The following MED22 variants were observed in gnomAD, a reference collection of about 807,000 sequenced individuals.
The protein encoded by MED22 is mediator of RNA polymerase II transcription subunit 22.
A neutral mutation model predicts 22.7 loss-of-function variants in MED22; 22 were observed. The observed-to-expected ratio is 0.97, with a 90% CI of 0.69 to 1.38. The LOEUF (loss-of-function observed/expected upper bound fraction) is 1.38. Ranked by LOEUF, MED22 falls within the 40% of genes most tolerant of loss-of-function variation. The probability of loss-of-function intolerance (pLI) is 0.00; values close to 1 mark genes in which losing one functional copy is unlikely to be tolerated. For synonymous variants in MED22, 134 were observed against 119.4 expected (o/e 1.12, Z -0.80); for missense variants, 247 against 263.0 (o/e 0.94, Z 0.42).
At position 133,341,649 on chromosome 9, in the gene MED22, G is replaced by A. The variant is rs2129949895; in HGVS notation, c.459C>T (p.Tyr153=). The change falls in exon 5 of 5, where the codon TAC becomes TAT. Residue 153 remains tyrosine (Y), a synonymous_variant. Coordinates refer to ENST00000343730, the MANE Select transcript of MED22 (RefSeq NM_133640.5). ...AGTCTGTGTCGAGGTCCAGCCTCCC[G>A]TAAGCTTCGCACAGAGGCAGGTCAT... The part of the protein sequence containing the change: ...EANDLPLCEA[Y]GRLDLDTDSA... 12 of 1,606,860 alleles carry A rather than the reference G, an allele frequency of 7.5e-6. No homozygotes were observed. The highest frequency in any genetic ancestry group is 6.8e-5 in the East Asian group (3 of 44,044).
At chr9:133,344,080 T>C (rs2129959078) in intron 4 of MED22, 45 bp downstream of exon 4, 2 of 1,604,990 alleles carry the variant, frequency 1.2e-6, no homozygotes, top group South Asian at 2.2e-5. Flanking sequence ...CAGGCCCAGG[T>C]AGGCAGGCTC....
At chr9:133,346,834 T>A (rs1490371062) in intron 1 of MED22, 134 bp from the exon 2 acceptor site, 5 of 843,182 alleles carry the variant, frequency 5.9e-6, no homozygotes, top group Non-Finnish European at 8.9e-6. Flanking sequence ...GAAACACAGA[T>A]GAACTCATTC....
In MED22 at chr9:133,344,268, G is replaced by A; in HGVS notation, c.270C>T (p.Asp90=). The A allele has an allele frequency of 6.2e-7, 1 of 1,614,228 alleles. No homozygotes were observed. Among genetic ancestry groups the A allele is most frequent in the Non-Finnish European group, 8.5e-7 (1 of 1,180,052 alleles). Residue 90 remains aspartate (D), a synonymous_variant, in exon 4 of 5, where the codon GAC becomes GAT. Coordinates refer to ENST00000343730, the MANE Select transcript of MED22 (RefSeq NM_133640.5). ...SDLKQFLILN[D]FPSVNEAIDQ... is the part of the protein sequence containing the mutation. Reference sequence around the variant, plus strand: ...CAATGGCCTCGTTCACGGAGGGGAAGTCATTGAGGATCAGGAACTGCTTGA... The same window carrying A: ...CAATGGCCTCGTTCACGGAGGGGAAATCATTGAGGATCAGGAACTGCTTGA...
rs2129950437 is a variant in MED22, at chr9:133,341,714, C to T, written c.414-20G>A. On this transcript the variant is annotated intron_variant, in intron 4 of 4. Transcript: ENST00000343730. ...CTTGAGCTTTTCCACCACCAGAAAC[C>T]CCAGGGAGAGACAGGAGCAGGCAGA... 6.2e-7 allele frequency: 1 copy of T among 1,600,094 alleles called. No homozygotes were observed. Among genetic ancestry groups the T allele is most frequent in the South Asian group, 1.1e-5 (1 of 88,978 alleles).
At chr9:133,343,602 G>A (rs1382389414) in intron 4 of MED22, 5 of 1,244,276 alleles carry the variant, frequency 4.0e-6, no homozygotes, top group Non-Finnish European at 5.0e-6. Flanking sequence ...GCCATTCCCT[G>A]CCTGGGCTTC....
At chr9:133,343,532 G>T (rs2129957024) in intron 4 of MED22, 36 of 1,237,302 alleles carry the variant, frequency 2.9e-5, no homozygotes, top group Non-Finnish European at 3.5e-5. Context: ...ACGTAGGTTG[G>T]CTCCAGCTCC....
intron 2 of MED22, 36 bp downstream of exon 2, chr9:133,346,504 G>C: frequency 6.2e-7 from 1 of 1,610,126 alleles, no homozygotes; most frequent in South Asian, 1.1e-5. Flanking sequence ...CCCCTTCTCA[G>C]ACTCTGCTCC....
intron 4 of MED22, chr9:133,343,353 C>G: frequency 1.6e-6 from 2 of 1,230,620 alleles, no homozygotes; most frequent in Non-Finnish European, 2.0e-6. Context: ...GAAGGCCTCC[C>G]TGTCTCCAGC....
intron 3 of MED22, among the ~76,000 whole-genome samples, 192 bp from the exon 4 acceptor site, chr9:133,344,525 C>T (rs1235279832): frequency 1.3e-5 from 2 of 152,244 alleles, no homozygotes; most frequent in African/African-American, 2.4e-5. Flanking sequence ...GTCAGTTCTG[C>T]AGGGCAGGCC....
rs1025106961 is a variant in MED22, at chr9:133,348,041, C to T, written c.-158G>A. ...CTCCCACGGCCTGGCCCTCCCGCCG[C>T]AGTCTCTCTTCCCCGCCGCGCCGCG... On this transcript the variant is annotated 5_prime_UTR_variant, in exon 1 of 5. Coordinates refer to ENST00000343730, the MANE Select transcript of MED22 (RefSeq NM_133640.5). 2.8e-6 allele frequency: 2 copies of T among 706,410 alleles called. No homozygotes were observed. Among genetic ancestry groups the T allele is most frequent in the Non-Finnish European group, 4.9e-6 (2 of 409,940 alleles). The allele number at this position is 706,410 out of a possible 1,614,324, so 43.8% of individuals were successfully genotyped here. A position where few individuals can be genotyped will look rare whatever the true frequency, so the allele number is the denominator to read the frequency against.
At position 133,341,588 on chromosome 9, in the gene MED22, G is replaced by C. The variant is rs139806947; in HGVS notation, c.520C>G (p.Pro174Ala). ...TGTAGGGGGCCAGCACTGGGCTCCG[G>C]GGACGCCAGCAGAGGGGCCGAGAGG... ...DGLSAPLLAS[P>A]EPSAGPLQVA... Residue 174 changes from proline (P) to alanine (A), a missense_variant, in exon 5 of 5, where the codon CCG (proline) becomes GCG (alanine). Physicochemically the swap from Pro to Ala is conservative, Grantham distance 27. Coordinates refer to ENST00000343730, the MANE Select transcript of MED22 (RefSeq NM_133640.5). 1,087 of 1,584,218 alleles carry C rather than the reference G, an allele frequency of 6.9e-4. 3 individuals are homozygous for C. Among genetic ancestry groups the C allele is most frequent in the Middle Eastern group, 5.3e-3 (31 of 5,834 alleles).
At chr9:133,343,279 G>A in intron 4 of MED22, 1 of 1,223,902 alleles carries the variant, frequency 8.2e-7, no homozygotes, top group Non-Finnish European at 1.0e-6. Context: ...GAAGGCACAA[G>A]ATGGACATGG....
chr9:133,344,293 AG>A lies in MED22; in HGVS notation c.244del (p.Leu82SerfsTer5). 6.2e-7 allele frequency: 1 copy of A among 1,614,132 alleles called. No individual in the cohort carries two copies. Among genetic ancestry groups the A allele is most frequent in the Non-Finnish European group, 8.5e-7 (1 of 1,180,020 alleles). ...GESLMKLVSD[L>X]KQFLILNDFP... ...GTCATTGAGGATCAGGAACTGCTTGAGGTCGGACACCAGCTTCATCAGGGAC... is the reference window on the plus strand; with the variant it reads ...GTCATTGAGGATCAGGAACTGCTTGAGTCGGACACCAGCTTCATCAGGGAC... On this transcript the variant is annotated frameshift_variant, in exon 4 of 5. Transcript: ENST00000343730. LOFTEE classifies it high-confidence loss of function.
intron 3 of MED22, 89 bp from the exon 4 acceptor site, chr9:133,344,422 C>G (rs1190866130): frequency 3.0e-6 from 4 of 1,322,524 alleles, no homozygotes; most frequent in Non-Finnish European, 4.2e-6. Flanking sequence ...GGGATGGCCT[C>G]TCTAGGAGCC....
chr9:133,341,510 C>A lies in MED22; in HGVS notation c.598G>T (p.Ala200Ser). The A allele has an allele frequency of 2.0e-6, 3 of 1,510,770 alleles. No individual in the cohort carries two copies. Among genetic ancestry groups the A allele is most frequent in the Non-Finnish European group, 1.8e-6 (2 of 1,140,100 alleles). 93.6% of individuals were successfully genotyped at this position (1,510,770 alleles called of 1,614,324 possible). ...CGAAGCGTGGCCCCGGAGGCTCAGG[C>A]GTGCTCAGTGGGGCCAGGGCCACCA... ...HAGGPGPTEH[A>S] The change falls in exon 5 of 5, where the codon GCC becomes TCC. Residue 200 changes from alanine to serine, a missense_variant. Coordinates refer to ENST00000343730, the MANE Select transcript of MED22 (RefSeq NM_133640.5).
At chr9:133,342,210 C>G (rs1023816338) in intron 4 of MED22, 6 of 987,332 alleles carry the variant, frequency 6.1e-6, no homozygotes, top group South Asian at 4.6e-5. Flanking sequence ...CCCGATAGCC[C>G]TACATCAGCC....
Position 133,347,955 on chromosome 9 carries a change from C to T in MED22, c.-72G>A. ...GCGCCCGCACACCAGACGCCGCGTC[C>T]GCCGGGTCGGCCTAGGGCGGGGTGG... On this transcript the variant is annotated 5_prime_UTR_variant, in exon 1 of 5. Transcript: ENST00000343730. The T allele has an allele frequency of 3.0e-6, 1 of 334,436 alleles. No homozygotes were observed. The highest frequency in any genetic ancestry group is 5.6e-6 in the Non-Finnish European group (1 of 178,212). 20.7% of individuals were successfully genotyped at this position (334,436 alleles called of 1,614,324 possible). A position where few individuals can be genotyped will look rare whatever the true frequency, so the allele number is the denominator to read the frequency against.
chr9:133,343,465 G>A (rs1836075247), intron 4 of MED22: 5 of 1,230,824 alleles, frequency 4.1e-6, no homozygotes, highest in Non-Finnish European at 5.1e-6. Flanking sequence ...CCCCACAAGG[G>A]TCAGGATGAT....
intron 1 of MED22, 34 bp downstream of exon 1, chr9:133,347,888 C>A (rs1189726836): frequency 2.1e-5 from 3 of 144,114 alleles, no homozygotes; most frequent in Admixed American, 6.9e-5. Context: ...CACCCACCCC[C>A]CCTCCATCCC....
Sources: gnomAD v4.1 joint callset for allele counts (sites outside exome capture counted in the v4.1 genomes callset) on GRCh38, gnomAD v4.1.1 for gene constraint, MANE v1.5 for transcripts, NCBI Gene and HGNC (gene_info 2026-07-23, HGNC 2026-07-21) for gene names.